The following STK32A variants were observed in gnomAD, a reference collection of about 807,000 sequenced individuals.
The protein encoded by STK32A is serine/threonine-protein kinase 32A.
Under a neutral mutation model 53.2 loss-of-function variants are expected in STK32A, and 41 were observed. The ratio of observed to expected loss-of-function variants is 0.77; its 90% CI spans 0.60 to 1.00. The LOEUF (loss-of-function observed/expected upper bound fraction) is 1.00, where lower values mean the gene tolerates loss of function less well. Ranked by LOEUF, STK32A falls within the 50% of genes least tolerant of loss-of-function variation. STK32A has a pLI of 0.00. For synonymous variants in STK32A, 166 were observed against 162.8 expected, an observed-to-expected ratio of 1.02 and a Z score of -0.15; for missense variants, 458 against 485.8, an observed-to-expected ratio of 0.94 and a Z score of 0.54.
Position 147,370,788 on chromosome 5 carries a change from A to G in STK32A, c.777+18A>G, listed in dbSNP as rs768543830. 4 of 1,523,706 alleles carry G rather than the reference A, an allele frequency of 2.6e-6. No individual in the cohort carries two copies. The highest frequency in any genetic ancestry group is 2.3e-5 in the East Asian group (1 of 44,406). The allele number at this position is 1,523,706 out of a possible 1,614,324, so 94.4% of individuals were successfully genotyped here. On this transcript the variant is annotated intron_variant, in intron 9 of 12. Transcript: ENST00000397936. ...TTAAAAAGGTAAGAAGGAAGACTGC[A>G]TGTCCAAACGAAGTAACAAAAGGAA... is the stretch of plus-strand genomic sequence containing the variant.
At chr5:147,279,433 C>A (rs1168278255) in intron 4 of STK32A, 35 bp downstream of exon 4, 3 of 1,539,332 alleles carry the variant, frequency 1.9e-6, no homozygotes, top group Non-Finnish European at 2.6e-6. Context: ...AATAGAGACA[C>A]TCCTGTTATC....
At chr5:147,336,711 CT>C (rs1437949856) in intron 5 of STK32A, among the ~76,000 whole-genome samples, 1 of 152,166 alleles carries the variant, frequency 6.6e-6, no homozygotes, top group African/African-American at 2.4e-5. Flanking sequence ...CTTCTGCCCC[CT>C]ATTCCAAACT....
intron 4 of STK32A, among the ~76,000 whole-genome samples, chr5:147,280,100 A>G (rs549000408): frequency 6.6e-6 from 1 of 152,262 alleles, no homozygotes; most frequent in African/African-American, 2.4e-5. Flanking sequence ...AGCAGCAGAA[A>G]GGCCCTGGGA....
intron 9 of STK32A, among the ~76,000 whole-genome samples, chr5:147,372,269 CTTTTTTT>C (rs71274369): frequency 1.2e-4 from 6 of 49,350 alleles, no homozygotes; most frequent in African/African-American, 4.1e-4. Flanking sequence ...TGGGCTTGGC[CTTTTTTT>C]TTTTTTTTTT....
intron 1 of STK32A, among the ~76,000 whole-genome samples, chr5:147,237,022 T>C (rs1361014326): frequency 2.0e-5 from 3 of 152,190 alleles, no homozygotes; most frequent in East Asian, 1.9e-4. Flanking sequence ...TTAAAATTAA[T>C]GTTCTCCCGG....
chr5:147,236,933 G>A (rs1335184069), intron 1 of STK32A, among the ~76,000 whole-genome samples: 1 of 152,144 alleles, frequency 6.6e-6, no homozygotes, highest in Non-Finnish European at 1.5e-5. Flanking sequence ...GGTGCATTGT[G>A]AAAACTACAT....
At chr5:147,286,287 G>T (rs932625111) in intron 4 of STK32A, among the ~76,000 whole-genome samples, 2 of 151,896 alleles carry the variant, frequency 1.3e-5, no homozygotes. Flanking sequence ...AGAGTGGGAG[G>T]GGGGCGAGGG....
intron 5 of STK32A, among the ~76,000 whole-genome samples, chr5:147,340,046 G>A (rs1029502715): frequency 2.6e-5 from 4 of 152,150 alleles, no homozygotes; most frequent in East Asian, 1.9e-4. Flanking sequence ...GCTTCCAGAC[G>A]TTGCCAAGGC....
intron 12 of STK32A, 128 bp from the exon 13 acceptor site, chr5:147,383,762 C>A: frequency 1.0e-6 from 1 of 992,004 alleles, no homozygotes; most frequent in South Asian, 2.0e-5. Flanking sequence ...AAAATCAAAG[C>A]CTTTTAAAAG....
intron 2 of STK32A, among the ~76,000 whole-genome samples, chr5:147,256,801 C>A (rs373435382): frequency 6.6e-6 from 1 of 152,068 alleles, no homozygotes. Context: ...CGTGAGCCAC[C>A]GAGCCTGACC....
intron 4 of STK32A, among the ~76,000 whole-genome samples, chr5:147,319,936 C>G (rs1754218543): frequency 6.6e-6 from 1 of 152,132 alleles, no homozygotes; most frequent in South Asian, 2.1e-4. Context: ...GGTTCCCCTA[C>G]TATCATGGTT....
rs146797031 is a variant in STK32A at position 147,273,916 on chromosome 5, G to A, written c.53-4208G>A. 1.1e-4 allele frequency among the ~76,000 whole-genome samples: 17 copies of A among 152,240 alleles called. No homozygotes were observed. The East Asian group carries it at 3.1e-3, about 28-fold the overall frequency. On this transcript the variant is annotated intron_variant, in intron 2 of 12. Transcript: ENST00000397936. ...CCTCAACTGTATACACTATAAGGAT[G>A]TGAAGATAGAAAGTGACATAAAAAT...
chr5:147,401,617 C>T, the STK32A span: 1 of 1,614,104 alleles, frequency 6.2e-7, no homozygotes, highest in Non-Finnish European at 8.5e-7. Context: ...ATGCAGCCGC[C>T]TTGGCCCAGT....
chr5:147,313,967 C>T (rs567020062), intron 4 of STK32A, among the ~76,000 whole-genome samples: 1 of 151,986 alleles, frequency 6.6e-6, no homozygotes, highest in Non-Finnish European at 1.5e-5. Flanking sequence ...GTATAAAATT[C>T]TTCGAAGAAA....
intron 2 of STK32A, among the ~76,000 whole-genome samples, chr5:147,265,190 C>T (rs4705151): frequency 0.29 from 44,030 of 149,446 alleles, 6,868 homozygotes; most frequent in African/African-American, 0.36. Flanking sequence ...GAAATTGAAG[C>T]TCAGAAAAGT....
At chr5:147,317,720 A>G (rs1581085346) in intron 4 of STK32A, among the ~76,000 whole-genome samples, 2 of 152,258 alleles carry the variant, frequency 1.3e-5, no homozygotes, top group South Asian at 2.1e-4. Flanking sequence ...ACATACATCA[A>G]TGGCAGTGGG....
chr5:147,314,498 C>CAA (rs1171767950), intron 4 of STK32A, among the ~76,000 whole-genome samples: 14 of 10,612 alleles, frequency 1.3e-3, no homozygotes, highest in African/African-American at 9.3e-3. Context: ...AACTCCATAT[C>CAA]AAAAAAAACA....
chr5:147,297,588 T>C (rs1389656890), intron 4 of STK32A, among the ~76,000 whole-genome samples: 1 of 152,194 alleles, frequency 6.6e-6, no homozygotes, highest in Non-Finnish European at 1.5e-5. Context: ...TGGAATGCTG[T>C]TTAGCTAATT....
intron 7 of STK32A, among the ~76,000 whole-genome samples, chr5:147,351,546 A>T (rs1269702070): frequency 1.4e-5 from 2 of 138,232 alleles, no homozygotes; most frequent in Admixed American, 6.9e-5. Flanking sequence ...GCAGATTTAT[A>T]AAAAAAAAAG....
Sources: gnomAD v4.1 joint callset for allele counts (sites outside exome capture counted in the v4.1 genomes callset) on GRCh38, gnomAD v4.1.1 for gene constraint, MANE v1.5 for transcripts, NCBI Gene and HGNC (gene_info 2026-07-23, HGNC 2026-07-21) for gene names.